BASP1: variants seen among roughly 807,000 people sequenced by gnomAD.
BASP1 encodes the protein brain acid soluble protein 1.
BASP1 carries 1 observed loss-of-function variant against 2.2 expected under a neutral mutation model. The ratio of observed to expected loss-of-function variants is 0.46; its 90% CI spans 0.16 to 2.17. The LOEUF (loss-of-function observed/expected upper bound fraction) is 2.17. BASP1 is among the 30% of genes most tolerant of loss of function. BASP1 has a pLI of 0.27. For missense variants in BASP1, 352 were observed against 327.2 expected, an observed-to-expected ratio of 1.08 and a Z score of -0.58; for synonymous variants, 187 against 154.2, an observed-to-expected ratio of 1.21 and a Z score of -1.58.
chr5:17,245,231 G>A (rs1305879713), intron 1 of BASP1, among the ~76,000 whole-genome samples: 3 of 150,702 alleles, frequency 2.0e-5, no homozygotes, highest in African/African-American at 7.3e-5. Context: ...GCAGCTGGGA[G>A]ATGGAGGTTG....
At chr5:17,271,785 G>A (rs1226936546) in intron 1 of BASP1, among the ~76,000 whole-genome samples, 1 of 151,988 alleles carries the variant, frequency 6.6e-6, no homozygotes, top group Non-Finnish European at 1.5e-5. Flanking sequence ...GAATGAAATC[G>A]GCTGGGCATG....
At chr5:17,234,359 C>T (rs1739696244) in intron 1 of BASP1, among the ~76,000 whole-genome samples, 1 of 151,994 alleles carries the variant, frequency 6.6e-6, no homozygotes, top group Admixed American at 6.5e-5. Flanking sequence ...AAGATATACA[C>T]TTACACATTT....
chr5:17,256,296 T>C (rs1740208503), intron 1 of BASP1, among the ~76,000 whole-genome samples: 1 of 152,260 alleles, frequency 6.6e-6, no homozygotes, highest in Non-Finnish European at 1.5e-5. Context: ...AAGGCCACAC[T>C]GTCAGAATTT....
chr5:17,219,316 TA>T (rs1739344026), intron 1 of BASP1, among the ~76,000 whole-genome samples: 1 of 152,230 alleles, frequency 6.6e-6, no homozygotes, highest in Non-Finnish European at 1.5e-5. Context: ...GCGTTTGCCC[TA>T]AATGTTGCGG....
In BASP1 at chr5:17,275,461, C is replaced by T; in HGVS notation, c.245C>T (p.Ala82Val). The T allele has an allele frequency of 4.0e-6, 6 of 1,504,734 alleles. No homozygotes were observed. The highest frequency in any genetic ancestry group is 5.3e-6 in the Non-Finnish European group (6 of 1,128,956). The allele number at this position is 1,504,734 out of a possible 1,614,324, so 93.2% of individuals were successfully genotyped here. A position where few individuals can be genotyped will look rare whatever the true frequency, so the allele number is the denominator to read the frequency against. Reference protein sequence around the residue: ...EKDAAAAKEEAPKAEPEKTEG... With the variant: ...EKDAAAAKEEVPKAEPEKTEG... Reference sequence around the variant, plus strand: ...GACGCGGCGGCTGCCAAGGAGGAGGCCCCGAAGGCGGAGCCCGAGAAGACG... The same window carrying T: ...GACGCGGCGGCTGCCAAGGAGGAGGTCCCGAAGGCGGAGCCCGAGAAGACG... The change falls in exon 2 of 2, where the codon GCC (alanine) becomes GTC (valine). Residue 82 changes from alanine (A) to valine (V), a missense_variant. By Grantham distance (64) the Ala-to-Val change is moderately conservative. Coordinates refer to ENST00000322611, the MANE Select transcript of BASP1 (RefSeq NM_006317.5). The surrounding 1 kb of genome is among the most constrained non-coding windows in gnomAD (Gnocchi z 5.3).
rs542776821 is a variant in BASP1 at position 17,276,733 on chromosome 5, A to T, written c.*833A>T. On this transcript the variant is annotated 3_prime_UTR_variant, in exon 2 of 2. Coordinates refer to ENST00000322611, the MANE Select transcript of BASP1 (RefSeq NM_006317.5). ...ACACCACTCATTGGAAAATGGAAAA[A>T]AAAAACAAAAAAAAAACAAAAAAAT... 25 of 83,308 alleles carry T rather than the reference A, an allele frequency of 3.0e-4. No homozygotes were observed. The highest frequency in any genetic ancestry group is 6.3e-4 in the Admixed American group (3 of 4,760). The allele number at this position is 83,308 out of a possible 1,614,324, so 5.2% of individuals were successfully genotyped here. A position where few individuals can be genotyped will look rare whatever the true frequency, so the allele number is the denominator to read the frequency against.
chr5:17,231,565 G>A (rs1739634674), intron 1 of BASP1, among the ~76,000 whole-genome samples: 1 of 152,006 alleles, frequency 6.6e-6, no homozygotes. Context: ...CATACCAACA[G>A]GCTCCCAGGT....
At chr5:17,238,403 A>G (rs1375300620) in intron 1 of BASP1, among the ~76,000 whole-genome samples, 1 of 152,148 alleles carries the variant, frequency 6.6e-6, no homozygotes, top group Non-Finnish European at 1.5e-5. Context: ...TTTATCTTGG[A>G]AATAATTTGA....
At chr5:17,259,027 A>T (rs1046048784) in intron 1 of BASP1, among the ~76,000 whole-genome samples, 4 of 152,214 alleles carry the variant, frequency 2.6e-5, no homozygotes, top group African/African-American at 9.6e-5. Context: ...CTGCATATGT[A>T]TTAGTCCATT....
intron 1 of BASP1, among the ~76,000 whole-genome samples, chr5:17,248,090 G>A (rs1326907499): frequency 1.3e-5 from 2 of 152,222 alleles, no homozygotes; most frequent in Non-Finnish European, 1.5e-5. Flanking sequence ...ATAGTGGGCA[G>A]ATGGTTTCAT....
chr5:17,228,704 T>G (rs759412658), intron 1 of BASP1, among the ~76,000 whole-genome samples: 6 of 152,192 alleles, frequency 3.9e-5, no homozygotes, highest in Non-Finnish European at 5.9e-5. Context: ...GAGGGACCAG[T>G]TGGCAGATTG....
chr5:17,239,220 A>G (rs928878867), intron 1 of BASP1, among the ~76,000 whole-genome samples: 1 of 151,972 alleles, frequency 6.6e-6, no homozygotes, highest in African/African-American at 2.4e-5. Flanking sequence ...CAGCCTCCTG[A>G]GTAGCTGGGA....
intron 1 of BASP1, among the ~76,000 whole-genome samples, chr5:17,228,079 T>C (rs1192172462): frequency 6.6e-6 from 1 of 152,240 alleles, no homozygotes; most frequent in African/African-American, 2.4e-5. Context: ...TTACTAGTTT[T>C]CCTCATCTGA....
chr5:17,223,571 T>C (rs1739432511), intron 1 of BASP1, among the ~76,000 whole-genome samples: 1 of 152,232 alleles, frequency 6.6e-6, no homozygotes, highest in South Asian at 2.1e-4. Context: ...CAGTAGTTCA[T>C]GTGGACTAAG....
upstream of BASP1, chr5:17,217,053 G>GGGGAGAGAGAGA (rs1739251192): frequency 4.8e-5 from 5 of 104,146 alleles, no homozygotes; most frequent in Non-Finnish European, 9.9e-5. Flanking sequence ...TAAATGAGGG[G>GGGGAGAGAGAGA]GAGAGAGAGA....
rs543102959 is a variant in BASP1 at position 17,244,246 on chromosome 5, C to CT, written c.-10+26437dup. ...TTAGTCCATGCCAGTGTAATGGGAT[C>CT]TGCTTATAAGTGATCTACTTTAACA... is the stretch of plus-strand genomic sequence containing the variant. On this transcript the variant is annotated intron_variant, in intron 1 of 1. Transcript: ENST00000322611. 2.0e-5 allele frequency among the ~76,000 whole-genome samples: 3 copies of CT among 152,292 alleles called. No homozygotes were observed. The South Asian group carries it at 6.2e-4, about 32-fold the overall frequency.
intron 1 of BASP1, among the ~76,000 whole-genome samples, chr5:17,224,152 C>T (rs1007285677): frequency 3.3e-5 from 5 of 152,186 alleles, no homozygotes; most frequent in African/African-American, 9.6e-5. Context: ...CAGGGATATG[C>T]CCAAGGATTT....
rs1352503198 is a variant in BASP1, at chr5:17,275,544, GC to G, written c.333del (p.Gly112AlafsTer112). 13 of 1,404,244 alleles carry G rather than the reference GC, an allele frequency of 9.3e-6. No homozygotes were observed. The highest frequency in any genetic ancestry group is 3.1e-5 in the African/African-American group (2 of 65,086). 87.0% of individuals were successfully genotyped at this position (1,404,244 alleles called of 1,614,324 possible). On this transcript the variant is annotated frameshift_variant, in exon 2 of 2. Transcript: ENST00000322611. LOFTEE classifies it low-confidence loss of function (END_TRUNC). This position sits in a 1 kb window ranked among gnomAD's most constrained non-coding sequence, Gnocchi z 5.3. The stretch of plus-strand genomic sequence containing the variant: ...GAAGGCGCCCGAGCAGGAGCAGGCG[GC>G]CCCCGGCCCCGCTGCGGGCGGCGAG... ...PPKAPEQEQA[A>X]PGPAAGGEAP...
chr5:17,234,989 T>C (rs1172944820), intron 1 of BASP1, among the ~76,000 whole-genome samples: 1 of 152,192 alleles, frequency 6.6e-6, no homozygotes, highest in Non-Finnish European at 1.5e-5. Context: ...AATCACTAGA[T>C]AGAAAAGAGA....
Sources: gnomAD v4.1 joint callset for allele counts (sites outside exome capture counted in the v4.1 genomes callset) on GRCh38, gnomAD v4.1.1 for gene constraint, Gnocchi (gnomAD v3.1) non-coding constraint, MANE v1.5 for transcripts, NCBI Gene and HGNC (gene_info 2026-07-23, HGNC 2026-07-21) for gene names.